The following MEF2A variants were observed in gnomAD, a reference collection of about 807,000 sequenced individuals.
MEF2A encodes the protein myocyte-specific enhancer factor 2A.
Under a neutral mutation model 55.8 loss-of-function variants are expected in MEF2A, and 28 were observed. The observed-to-expected ratio is 0.50, with a 90% CI of 0.37 to 0.69. The LOEUF is 0.69. MEF2A is among the 30% of genes least tolerant of loss of function. The pLI is 0.00. For missense variants in MEF2A, 528 were observed against 626.2 expected (o/e 0.84, Z 1.67); for synonymous variants, 239 against 227.1 (o/e 1.05, Z -0.47).
chr15:99,639,292 A>G (rs923390766), intron 3 of MEF2A, among the ~76,000 whole-genome samples: 2 of 151,916 alleles, frequency 1.3e-5, no homozygotes, highest in African/African-American at 4.8e-5. Flanking sequence ...ATGAATTTAC[A>G]TTGTGTTTTC....
chr15:99,700,058 C>T (rs867610298), intron 8 of MEF2A, among the ~76,000 whole-genome samples: 9 of 142,738 alleles, frequency 6.3e-5, no homozygotes, highest in Non-Finnish European at 9.2e-5. Context: ...CGGGGTTTCG[C>T]CATGTTGGCC....
chr15:99,689,423 A>C (rs1181366741), intron 7 of MEF2A, among the ~76,000 whole-genome samples: 1 of 152,200 alleles, frequency 6.6e-6, no homozygotes. Flanking sequence ...ACATTTTTCT[A>C]TAATACCTCC....
intron 1 of MEF2A, among the ~76,000 whole-genome samples, chr15:99,592,662 C>G (rs950155629): frequency 1.3e-5 from 2 of 152,098 alleles, no homozygotes; most frequent in Admixed American, 6.6e-5. Flanking sequence ...GGGGAGCAAG[C>G]TTGTCACATG....
At chr15:99,660,975 A>G (rs1461990462) in intron 4 of MEF2A, among the ~76,000 whole-genome samples, 1 of 152,222 alleles carries the variant, frequency 6.6e-6, no homozygotes, top group Non-Finnish European at 1.5e-5. Context: ...GAGGGTTTGC[A>G]CTGCAATATA....
At chr15:99,602,651 GGGGT>G (rs1236049172) in intron 2 of MEF2A, among the ~76,000 whole-genome samples, 2 of 98,974 alleles carry the variant, frequency 2.0e-5, no homozygotes, top group African/African-American at 7.3e-5. Context: ...TGACATTCCT[GGGGT>G]GTGTGTGTGT....
Position 99,698,792 on chromosome 15 carries a change from C to CAA in MEF2A, c.859-4560_859-4559dup, listed in dbSNP as rs555279717. Among the ~76,000 whole-genome samples the CAA allele has an allele frequency of 7.2e-3, 995 of 137,558 alleles. 11 individuals are homozygous for CAA. Among genetic ancestry groups the CAA allele is most frequent in the African/African-American group, 0.025 (945 of 37,392 alleles). 90.2% of individuals were successfully genotyped at this position (137,558 alleles called of 152,430 possible). A position where few individuals can be genotyped will look rare whatever the true frequency, so the allele number is the denominator to read the frequency against. Reference sequence around the variant, plus strand: ...GGGCAACAAGAGTGAAACTCTGTCTCAAAAAAAAAAACAAAAACGCAAAAA... The same window carrying CAA: ...GGGCAACAAGAGTGAAACTCTGTCTCAAAAAAAAAAAAACAAAAACGCAAAAA... On this transcript the variant is annotated intron_variant, in intron 8 of 11. Coordinates refer to ENST00000557942, the MANE Select transcript of MEF2A (RefSeq NM_001319206.4).
At chr15:99,683,129 T>C (rs898976618) in intron 7 of MEF2A, among the ~76,000 whole-genome samples, 2 of 152,186 alleles carry the variant, frequency 1.3e-5, no homozygotes, top group Admixed American at 6.5e-5. Context: ...GGTGAAGTGG[T>C]TGTTTTTTAA....
intron 2 of MEF2A, among the ~76,000 whole-genome samples, chr15:99,606,363 C>T (rs1313729631): frequency 7.9e-5 from 12 of 151,600 alleles, no homozygotes; most frequent in Admixed American, 3.9e-4. Flanking sequence ...AAAATCAAAA[C>T]GGCAAGTATT....
chr15:99,608,830 T>G (rs1040133800), intron 2 of MEF2A, among the ~76,000 whole-genome samples: 2 of 151,672 alleles, frequency 1.3e-5, no homozygotes, highest in African/African-American at 4.8e-5. Context: ...GAACCCGAGA[T>G]GTGGAGGTTG....
intron 4 of MEF2A, among the ~76,000 whole-genome samples, chr15:99,651,369 A>G (rs1379715018): frequency 6.6e-6 from 1 of 152,176 alleles, no homozygotes; most frequent in Non-Finnish European, 1.5e-5. Flanking sequence ...GATATTCTCA[A>G]AGAGGCTTTT....
chr15:99,601,677 A>G lies in MEF2A; in HGVS notation c.-143+3166A>G, dbSNP rs374235823. On this transcript the variant is annotated intron_variant, in intron 2 of 11. Transcript: ENST00000557942. Reference sequence around the variant, plus strand: ...TTGAACCAACCATTCATGTATTCTTAGGATAATTATCACTTGGTCATGATG... The same window carrying G: ...TTGAACCAACCATTCATGTATTCTTGGGATAATTATCACTTGGTCATGATG... 1.5e-4 allele frequency among the ~76,000 whole-genome samples: 23 copies of G among 152,124 alleles called. 1 individual carries two copies. The highest frequency in any genetic ancestry group is 3.9e-4 in the African/African-American group (16 of 41,508).
intron 4 of MEF2A, among the ~76,000 whole-genome samples, chr15:99,656,380 G>T (rs1040805517): frequency 6.6e-6 from 1 of 152,012 alleles, no homozygotes; most frequent in South Asian, 2.1e-4. Context: ...CTCATAAACC[G>T]CAAAACCTAT....
chr15:99,680,683 A>G (rs955695340), intron 7 of MEF2A, among the ~76,000 whole-genome samples: 1 of 152,244 alleles, frequency 6.6e-6, no homozygotes, highest in African/African-American at 2.4e-5. Context: ...ATGAAATTTC[A>G]ACTGAATTTC....
At chr15:99,645,434 A>C (rs2045811752) in intron 3 of MEF2A, 127 bp from the exon 4 acceptor site, 1 of 681,828 alleles carries the variant, frequency 1.5e-6, no homozygotes, top group East Asian at 2.7e-5. Flanking sequence ...CATATGGAGG[A>C]CAAAGCTGGG....
intron 1 of MEF2A, among the ~76,000 whole-genome samples, chr15:99,567,889 A>G (rs1236691729): frequency 1.3e-5 from 2 of 152,184 alleles, no homozygotes; most frequent in Non-Finnish European, 2.9e-5. Flanking sequence ...GCATTGTTGC[A>G]AAAAGTTGTG....
Position 99,690,591 on chromosome 15 carries a change from A to C in MEF2A, c.858+163A>C, listed in dbSNP as rs781378817. On this transcript the variant is annotated intron_variant, in intron 8 of 11. Transcript: ENST00000557942. ...TATTTGAAGAGACAAGTCTATTTCA[A>C]ATACACAAAAATCAGATTATGGAAA... The C allele has an allele frequency of 3.0e-5, 23 of 755,750 alleles. No individual in the cohort carries two copies. The East Asian group carries it at 6.1e-4, about 20-fold the overall frequency. 46.8% of individuals were successfully genotyped at this position (755,750 alleles called of 1,614,324 possible). A position where few individuals can be genotyped will look rare whatever the true frequency, so the allele number is the denominator to read the frequency against.
intron 2 of MEF2A, among the ~76,000 whole-genome samples, chr15:99,604,880 C>G (rs982816123): frequency 6.6e-6 from 1 of 152,136 alleles, no homozygotes; most frequent in African/African-American, 2.4e-5. Context: ...GGGCTATACT[C>G]CATGCTCTTC....
At chr15:99,664,759 A>C (rs1383001806) in intron 4 of MEF2A, among the ~76,000 whole-genome samples, 1 of 152,250 alleles carries the variant, frequency 6.6e-6, no homozygotes, top group African/African-American at 2.4e-5. Context: ...TATGGCAGTT[A>C]AGTTGAAATA....
chr15:99,573,344 A>C (rs1963179710), intron 1 of MEF2A, among the ~76,000 whole-genome samples: 1 of 151,920 alleles, frequency 6.6e-6, no homozygotes, highest in African/African-American at 2.4e-5. Context: ...CCAACCACAG[A>C]CCAGTTTTCC....
Sources: allele counts gnomAD v4.1 joint callset (sites outside exome capture counted in the v4.1 genomes callset), GRCh38; gene constraint gnomAD v4.1.1; transcripts MANE v1.5; gene names NCBI Gene and HGNC (gene_info 2026-07-23, HGNC 2026-07-21).